Variants in UBE2E2 observed in about 807,000 individuals in gnomAD.
The protein encoded by UBE2E2 is ubiquitin conjugating enzyme E2 E2, also known as ubiquitin-conjugating enzyme E2 E2.
In UBE2E2, 6 loss-of-function variants were observed where a neutral mutation model predicts 24.7. The ratio of observed to expected loss-of-function variants is 0.24; its 90% CI spans 0.13 to 0.48. UBE2E2 has a LOEUF of 0.48. Among genes scored for constraint, UBE2E2 ranks in the 20% least tolerant of loss-of-function variants. The pLI is 0.99. For missense variants in UBE2E2, 169 were observed against 245.0 expected, an observed-to-expected ratio of 0.69 and a Z score of 2.07; for synonymous variants, 104 against 83.6, an observed-to-expected ratio of 1.24 and a Z score of -1.33.
intron 3 of UBE2E2, among the ~76,000 whole-genome samples, chr3:23,429,540 A>G (rs1051440020): frequency 6.6e-6 from 1 of 152,214 alleles, no homozygotes; most frequent in Admixed American, 6.5e-5. Context: ...TCTCAGGATC[A>G]TATCAATAAA....
intron 5 of UBE2E2, among the ~76,000 whole-genome samples, chr3:23,537,798 G>A (rs904538148): frequency 6.6e-6 from 1 of 152,128 alleles, no homozygotes; most frequent in Non-Finnish European, 1.5e-5. Flanking sequence ...GTAGTAAATT[G>A]TGTTAGTAAA....
intron 3 of UBE2E2, among the ~76,000 whole-genome samples, chr3:23,297,925 A>C (rs1698957470): frequency 1.3e-5 from 2 of 151,894 alleles, no homozygotes; most frequent in African/African-American, 4.8e-5. Context: ...ATGAGTATGG[A>C]ATGTTCTTCC....
intron 3 of UBE2E2, among the ~76,000 whole-genome samples, chr3:23,217,518 C>T (rs1043135638): frequency 2.0e-5 from 3 of 151,796 alleles, no homozygotes; most frequent in African/African-American, 2.4e-5. Flanking sequence ...AGTGGTTGAA[C>T]GGAGTTGCCA....
At chr3:23,546,939 T>G (rs1695538087) in intron 5 of UBE2E2, among the ~76,000 whole-genome samples, 1 of 152,166 alleles carries the variant, frequency 6.6e-6, no homozygotes, top group African/African-American at 2.4e-5. Flanking sequence ...TATATGCCAG[T>G]TATACATGCT....
chr3:23,256,661 C>T (rs1036413153), intron 3 of UBE2E2, among the ~76,000 whole-genome samples: 6 of 152,126 alleles, frequency 3.9e-5, no homozygotes, highest in Non-Finnish European at 7.4e-5. Context: ...ATTCTTAAGA[C>T]TAAGGTCAGT....
intron 3 of UBE2E2, among the ~76,000 whole-genome samples, chr3:23,492,606 A>G (rs574788435): frequency 4.6e-5 from 7 of 152,292 alleles, no homozygotes; most frequent in South Asian, 2.1e-4. Context: ...AGCTAATTCC[A>G]TGAATACTAA....
intron 5 of UBE2E2, among the ~76,000 whole-genome samples, chr3:23,537,099 G>C (rs1695283452): frequency 6.6e-6 from 1 of 152,202 alleles, no homozygotes; most frequent in Non-Finnish European, 1.5e-5. Flanking sequence ...AAGGTAATCT[G>C]TAAGTGGTAC....
chr3:23,317,032 AG>A (rs1192222637), intron 3 of UBE2E2, among the ~76,000 whole-genome samples: 1 of 152,122 alleles, frequency 6.6e-6, no homozygotes, highest in Non-Finnish European at 1.5e-5. Context: ...GAAGAAGGAA[AG>A]GGCCACTTTT....
At chr3:23,477,277 T>C (rs1020965681) in intron 3 of UBE2E2, among the ~76,000 whole-genome samples, 3 of 152,214 alleles carry the variant, frequency 2.0e-5, no homozygotes, top group Admixed American at 6.5e-5. Flanking sequence ...TTTTGTATGA[T>C]TAGTTTTGAA....
rs1024691643 is a variant in UBE2E2 at position 23,291,479 on chromosome 3, C to A, written c.227+74167C>A. ...AATGTTATTTTAAAAATTAATACTG[C>A]ATTTGTTACTCAGTAGGTTTAATAA... On this transcript the variant is annotated intron_variant, in intron 3 of 5. Transcript: ENST00000396703. Among the ~76,000 whole-genome samples the A allele has an allele frequency of 2.0e-5, 3 of 152,098 alleles. No homozygotes were observed. The East Asian group carries it at 5.8e-4, about 29-fold the overall frequency.
At chr3:23,510,465 G>A (rs1249374984) in intron 4 of UBE2E2, among the ~76,000 whole-genome samples, 1 of 152,082 alleles carries the variant, frequency 6.6e-6, no homozygotes, top group Non-Finnish European at 1.5e-5. Context: ...AAATTAGCCA[G>A]GCTTGGTGGC....
At chr3:23,272,041 C>T (rs1160161112) in intron 3 of UBE2E2, among the ~76,000 whole-genome samples, 2 of 152,216 alleles carry the variant, frequency 1.3e-5, no homozygotes, top group Non-Finnish European at 2.9e-5. Context: ...CTTCTCAGCC[C>T]TTGGGCAGTC....
At chr3:23,446,371 T>C (rs918792076) in intron 3 of UBE2E2, among the ~76,000 whole-genome samples, 2 of 152,212 alleles carry the variant, frequency 1.3e-5, no homozygotes, top group Non-Finnish European at 2.9e-5. Flanking sequence ...ATGTGTATTT[T>C]ACTTAAGCTG....
chr3:23,530,253 C>T (rs780214433), intron 4 of UBE2E2, among the ~76,000 whole-genome samples: 19 of 152,084 alleles, frequency 1.2e-4, no homozygotes, highest in Non-Finnish European at 2.5e-4. Flanking sequence ...TCATTCACTC[C>T]CTTGATTTTG....
chr3:23,307,336 G>GA (rs1361174617), intron 3 of UBE2E2, among the ~76,000 whole-genome samples: 2 of 152,128 alleles, frequency 1.3e-5, no homozygotes, highest in African/African-American at 4.8e-5. Context: ...TTGGTTGGTT[G>GA]AGTGTATTTA....
rs539475913 is a variant in UBE2E2 at position 23,462,791 on chromosome 3, C to A, written c.228-36817C>A. On this transcript the variant is annotated intron_variant, in intron 3 of 5. Transcript: ENST00000396703. The stretch of plus-strand genomic sequence containing the variant: ...CACATCTGATAGAAGAGTTACAGTT[C>A]TTTTACGTCAGGGGGTAACTGTAAC... Among the ~76,000 whole-genome samples the A allele has an allele frequency of 4.6e-5, 7 of 152,262 alleles. No individual in the cohort carries two copies. In the South Asian group the frequency reaches 1.2e-3, roughly 27 times the overall value.
At chr3:23,367,948 G>C (rs139940189) in intron 3 of UBE2E2, among the ~76,000 whole-genome samples, 2 of 152,174 alleles carry the variant, frequency 1.3e-5, no homozygotes, top group Non-Finnish European at 2.9e-5. Context: ...GAAATCTTCT[G>C]TGTTGATTTT....
At chr3:23,254,907 T>G (rs562552505) in intron 3 of UBE2E2, among the ~76,000 whole-genome samples, 1 of 152,008 alleles carries the variant, frequency 6.6e-6, no homozygotes, top group Non-Finnish European at 1.5e-5. Flanking sequence ...TAAGGCTTTT[T>G]TTTTCCCCCC....
intron 5 of UBE2E2, among the ~76,000 whole-genome samples, chr3:23,562,453 C>T (rs1467121476): frequency 1.3e-5 from 2 of 152,164 alleles, no homozygotes; most frequent in African/African-American, 4.8e-5. Context: ...TTTTGATGTG[C>T]TGCTGGATTC....
Sources: gnomAD v4.1 joint callset for allele counts (sites outside exome capture counted in the v4.1 genomes callset) on GRCh38, gnomAD v4.1.1 for gene constraint, MANE v1.5 for transcripts, NCBI Gene and HGNC (gene_info 2026-07-23, HGNC 2026-07-21) for gene names.